YES1: variants seen among roughly 807,000 people sequenced by gnomAD.
YES1 encodes the protein tyrosine-protein kinase Yes.
In YES1, 39 loss-of-function variants were observed where a neutral mutation model predicts 70.4. That is an observed-to-expected ratio of 0.55 (90% CI 0.43 to 0.72). The LOEUF (loss-of-function observed/expected upper bound fraction) is 0.72, where lower values mean the gene tolerates loss of function less well. YES1 is among the 30% of genes least tolerant of loss of function. The probability of loss-of-function intolerance (pLI) is 0.00; values close to 1 mark genes in which losing one functional copy is unlikely to be tolerated. For synonymous variants in YES1, 198 were observed against 218.6 expected (o/e 0.91, Z 0.83); for missense variants, 495 against 644.8 (o/e 0.77, Z 2.52).
At chr18:739,896 A>C (rs2080197447) in intron 8 of YES1, 85 bp from the exon 9 acceptor site, 3 of 972,804 alleles carry the variant, frequency 3.1e-6, no homozygotes, top group Non-Finnish European at 4.5e-6. Flanking sequence ...CCAAATCACA[A>C]CACAAAACTT....
chr18:726,973 G>A (rs1376575207), intron 11 of YES1, among the ~76,000 whole-genome samples: 6 of 151,962 alleles, frequency 3.9e-5, no homozygotes, highest in African/African-American at 9.7e-5. Flanking sequence ...GCAATGGATC[G>A]GTCCACGCTA....
At chr18:777,738 C>T (rs149799827) in intron 1 of YES1, among the ~76,000 whole-genome samples, 2,467 of 148,316 alleles carry the variant, frequency 0.017, 64 homozygotes, top group African/African-American at 0.059. Context: ...ACCCAGGAGG[C>T]GGAGGTTGCA....
At position 723,178 on chromosome 18, in the gene YES1, C is replaced by A. The variant is rs2079980114; in HGVS notation, c.*1246G>T. On this transcript the variant is annotated 3_prime_UTR_variant, in exon 12 of 12. Coordinates refer to ENST00000314574, the MANE Select transcript of YES1 (RefSeq NM_005433.4). ...AAAATGTTTTACATAAAAACCATAT[C>A]CCACTGCAATGAATGTGAAGCCATA... 4 of 152,320 alleles carry A rather than the reference C, an allele frequency of 2.6e-5. No homozygotes were observed. In the South Asian group the frequency reaches 8.3e-4, roughly 32 times the overall value. The allele number at this position is 152,320 out of a possible 1,614,324, so 9.4% of individuals were successfully genotyped here.
chr18:753,193 T>C (rs1345263122), intron 2 of YES1, among the ~76,000 whole-genome samples: 1 of 152,178 alleles, frequency 6.6e-6, no homozygotes, highest in African/African-American at 2.4e-5. Flanking sequence ...TTTAAAAAAC[T>C]GTATATATTT....
chr18:747,996 T>C lies in YES1; in HGVS notation c.394A>G (p.Arg132Gly), dbSNP rs1301994388. The change falls in exon 4 of 12, where the codon AGA becomes GGA. Residue 132 changes from arginine to glycine, a missense_variant. Arg to Gly is a moderately radical substitution (Grantham distance 125). Around this residue, in one of 2 missense-constraint regions of YES1, gnomAD observed 385 missense variants for 540.9 expected, o/e 0.71. Coordinates refer to ENST00000314574, the MANE Select transcript of YES1 (RefSeq NM_005433.4). The stretch of plus-strand genomic sequence containing the variant: ...CCATTCTTTCCTGTAGCGATTGATC[T>C]TGCTTCCCACCAATCTCCTTCCCTG... ...NNTEGDWWEA[R>G]SIATGKNGYI... is the part of the protein sequence containing the mutation. The C allele has an allele frequency of 6.2e-7, 1 of 1,613,954 alleles. No individual in the cohort carries two copies. The highest frequency in any genetic ancestry group is 2.2e-5 in the East Asian group (1 of 44,850).
Position 747,985 on chromosome 18 carries a change from A to G in YES1, c.405T>C (p.Ala135=). 1 of 1,613,952 alleles carries G rather than the reference A, an allele frequency of 6.2e-7. No individual in the cohort carries two copies. Among genetic ancestry groups the G allele is most frequent in the East Asian group, 2.2e-5 (1 of 44,846 alleles). Residue 135 remains alanine, a synonymous_variant, in exon 4 of 12, where the codon GCT becomes GCC. Coordinates refer to ENST00000314574, the MANE Select transcript of YES1 (RefSeq NM_005433.4). ...EGDWWEARSI[A]TGKNGYIPSN... ...TCGGGATATAACCATTCTTTCCTGT[A>G]GCGATTGATCTTGCTTCCCACCAAT... is the stretch of plus-strand genomic sequence containing the variant.
intron 1 of YES1, among the ~76,000 whole-genome samples, chr18:803,402 G>C (rs951115386): frequency 6.6e-6 from 1 of 152,058 alleles, no homozygotes; most frequent in African/African-American, 2.4e-5. Context: ...GAGGTGAATG[G>C]GTGGGAAATA....
At position 724,383 on chromosome 18, in the gene YES1, A is replaced by G. The variant is rs746767586; in HGVS notation, c.*41T>C. On this transcript the variant is annotated 3_prime_UTR_variant, in exon 12 of 12. Coordinates refer to ENST00000314574, the MANE Select transcript of YES1 (RefSeq NM_005433.4). ...TGTAGAAAATCTACACAAGTTCTTT[A>G]TATTTTGGCAGATTTGTGCATATAA... The G allele has an allele frequency of 1.6e-5, 25 of 1,545,562 alleles. No homozygotes were observed. The highest frequency in any genetic ancestry group is 2.3e-5 in the East Asian group (1 of 44,352).
chr18:741,095 G>C (rs978537226), intron 8 of YES1, among the ~76,000 whole-genome samples: 1 of 151,818 alleles, frequency 6.6e-6, no homozygotes, highest in Non-Finnish European at 1.5e-5. Flanking sequence ...ACGGGGTTTC[G>C]CTATGTTGGC....
chr18:764,889 C>T (rs1005744219), intron 1 of YES1, among the ~76,000 whole-genome samples: 3 of 151,940 alleles, frequency 2.0e-5, no homozygotes, highest in Middle Eastern at 3.4e-3. Context: ...CACACCACCA[C>T]ACCCGGCTAA....
chr18:743,951 CTTAG>C (rs2080247348), intron 6 of YES1, among the ~76,000 whole-genome samples: 1 of 148,156 alleles, frequency 6.7e-6, no homozygotes, highest in Non-Finnish European at 1.5e-5. Context: ...TTACTTACTA[CTTAG>C]TATGTATATA....
intron 10 of YES1, chr18:736,208 AAGGCATTCCAGATGG>A (rs1568187125): frequency 2.0e-5 from 1 of 51,008 alleles, no homozygotes; most frequent in Non-Finnish European, 4.2e-5. Context: ...TACAGATAGG[AAGGCATTCCAGATGG>A]AGGTAACTGT....
At chr18:724,745 T>A in intron 11 of YES1, 113 bp from the exon 12 acceptor site, 1 of 761,346 alleles carries the variant, frequency 1.3e-6, no homozygotes, top group Non-Finnish European at 2.1e-6. Context: ...GTGAAACAAT[T>A]CTTTTAACAA....
At chr18:741,006 T>C (rs2080211023) in intron 8 of YES1, among the ~76,000 whole-genome samples, 1 of 152,210 alleles carries the variant, frequency 6.6e-6, no homozygotes, top group South Asian at 2.1e-4. Context: ...CAAGCCATTC[T>C]CGTGCCTCAG....
chr18:803,354 A>C (rs556139864), intron 1 of YES1, among the ~76,000 whole-genome samples: 1 of 152,368 alleles, frequency 6.6e-6, no homozygotes, highest in Non-Finnish European at 1.5e-5. Context: ...CACCTATCAT[A>C]GGACAGGCTT....
chr18:792,318 C>T (rs147269842), intron 1 of YES1, among the ~76,000 whole-genome samples: 2 of 151,638 alleles, frequency 1.3e-5, no homozygotes, highest in Admixed American at 6.6e-5. Flanking sequence ...AACAAACAAA[C>T]AAATAAATAA....
At chr18:776,519 A>G (rs1905392633) in intron 1 of YES1, among the ~76,000 whole-genome samples, 1 of 152,092 alleles carries the variant, frequency 6.6e-6, no homozygotes, top group African/African-American at 2.4e-5. Flanking sequence ...ATTGTTCTAT[A>G]GGGTTGTCTG....
chr18:811,959 G>C (rs539727165), intron 1 of YES1, among the ~76,000 whole-genome samples, 155 bp downstream of exon 1: 200 of 152,248 alleles, frequency 1.3e-3, no homozygotes, highest in African/African-American at 4.3e-3. Context: ...GGGCGATCCG[G>C]GGGAGGGGAG....
intron 1 of YES1, among the ~76,000 whole-genome samples, chr18:804,609 CAAAAAAAAAAA>C (rs57896154): frequency 7.7e-5 from 3 of 38,772 alleles, no homozygotes; most frequent in African/African-American, 1.0e-4. Flanking sequence ...GACTGAGTCT[CAAAAAAAAAAA>C]AAAAAAAAAA....
Sources: allele counts gnomAD v4.1 joint callset (sites outside exome capture counted in the v4.1 genomes callset), GRCh38; gene constraint gnomAD v4.1.1; regional missense constraint gnomAD v4.1.1; transcripts MANE v1.5; gene names NCBI Gene and HGNC (gene_info 2026-07-23, HGNC 2026-07-21).